ACVR2A: variants seen among roughly 807,000 people sequenced by gnomAD.
The protein encoded by ACVR2A is activin receptor type-2A.
ACVR2A carries 7 observed loss-of-function variants against 61.4 expected under a neutral mutation model. The observed-to-expected ratio is 0.11, with a 90% CI of 0.06 to 0.21. The LOEUF is 0.21. Ranked by LOEUF, ACVR2A falls within the 10% of genes least tolerant of loss-of-function variation. The pLI, the probability that ACVR2A is intolerant of heterozygous loss-of-function variation, is 1.00. For missense variants in ACVR2A, 322 were observed against 621.7 expected (o/e 0.52, Z 5.13); for synonymous variants, 193 against 208.3 (o/e 0.93, Z 0.63).
At chr2:147,919,167 C>T (rs1241868722) in intron 7 of ACVR2A, among the ~76,000 whole-genome samples, 1 of 152,044 alleles carries the variant, frequency 6.6e-6, no homozygotes, top group Non-Finnish European at 1.5e-5. Context: ...GTCTTGTGTT[C>T]CATTTAAAGA....
At chr2:147,918,359 A>C in intron 6 of ACVR2A, 88 bp from the exon 7 acceptor site, 1 of 1,160,950 alleles carries the variant, frequency 8.6e-7, no homozygotes, top group Non-Finnish European at 1.2e-6. Flanking sequence ...AGGGAAACTC[A>C]CAACCTCTTA....
In ACVR2A at chr2:147,928,359, T is replaced by C. The variant is rs920434272; in HGVS notation, c.*1085T>C. On this transcript the variant is annotated 3_prime_UTR_variant, in exon 11 of 11. Transcript: ENST00000241416. ...TGTGGGACATTCTTTATCACTGTTTTAGGATCACCTCAGGAAGTGTCGTTA... is the reference window on the plus strand; with the variant it reads ...TGTGGGACATTCTTTATCACTGTTTCAGGATCACCTCAGGAAGTGTCGTTA... The C allele has an allele frequency of 3.3e-5, 5 of 152,214 alleles. No individual in the cohort carries two copies. The highest frequency in any genetic ancestry group is 1.2e-4 in the African/African-American group (5 of 41,384). The allele number at this position is 152,214 out of a possible 1,614,324, so 9.4% of individuals were successfully genotyped here. A position where few individuals can be genotyped will look rare whatever the true frequency, so the allele number is the denominator to read the frequency against.
At chr2:147,921,488 A>G (rs1252658377) in intron 8 of ACVR2A, among the ~76,000 whole-genome samples, 1 of 152,180 alleles carries the variant, frequency 6.6e-6, no homozygotes, top group African/African-American at 2.4e-5. Flanking sequence ...TTTCCCCAGC[A>G]TATCCTATTG....
Position 147,918,452 on chromosome 2 carries a change from A to G in ACVR2A, c.822A>G (p.Ser274=). The G allele has an allele frequency of 6.2e-7, 1 of 1,602,358 alleles. No homozygotes were observed. The highest frequency in any genetic ancestry group is 8.5e-7 in the Non-Finnish European group (1 of 1,175,750). ...TTTTTTCCCTCTTTTTTTAGGGTTC[A>G]CTATCAGACTTTCTTAAGGCTAATG... is the stretch of plus-strand genomic sequence containing the variant. ...WLITAFHEKG[S]LSDFLKANVV... The change falls in exon 7 of 11, where the codon TCA becomes TCG. Residue 274 remains serine (S), a synonymous_variant. Transcript: ENST00000241416.
Position 147,899,727 on chromosome 2 carries a change from C to T in ACVR2A, c.374-17C>T. ...TGTAGACCAAATCTGAGTTATTTTT[C>T]CCCCCCTTTTCCACAGCCACTTCAA... On this transcript the variant is annotated splice_polypyrimidine_tract_variant and intron_variant, in intron 3 of 10. Coordinates refer to ENST00000241416, the MANE Select transcript of ACVR2A (RefSeq NM_001616.5). 6.2e-7 allele frequency: 1 copy of T among 1,607,396 alleles called. No individual in the cohort carries two copies. Among genetic ancestry groups the T allele is most frequent in the South Asian group, 1.1e-5 (1 of 89,814 alleles).
rs956894965 is a variant in ACVR2A, at chr2:147,927,966, GAA to G, written c.*698_*699del. 6.6e-6 allele frequency: 1 copy of G among 152,110 alleles called. No individual in the cohort carries two copies. Among genetic ancestry groups the G allele is most frequent in the Non-Finnish European group, 1.5e-5 (1 of 67,838 alleles). The allele number at this position is 152,110 out of a possible 1,614,324, so 9.4% of individuals were successfully genotyped here. A position where few individuals can be genotyped will look rare whatever the true frequency, so the allele number is the denominator to read the frequency against. On this transcript the variant is annotated 3_prime_UTR_variant, in exon 11 of 11. Transcript: ENST00000241416. Reference sequence around the variant, plus strand: ...TAACAAATTCACTGTGTTATTTAAGGAAAAAAAGGTAAGCTATGCTTAGTGCC... The same window carrying G: ...TAACAAATTCACTGTGTTATTTAAGGAAAAAGGTAAGCTATGCTTAGTGCC...
intron 1 of ACVR2A, among the ~76,000 whole-genome samples, chr2:147,854,421 C>A (rs1189795477): frequency 2.0e-5 from 3 of 152,108 alleles, no homozygotes; most frequent in African/African-American, 7.2e-5. Context: ...ATTCTCAAGT[C>A]TGTTTTTTAG....
At chr2:147,897,209 T>C (rs1267318157) in intron 2 of ACVR2A, 1 of 152,004 alleles carries the variant, frequency 6.6e-6, no homozygotes, top group Non-Finnish European at 1.5e-5. Flanking sequence ...GGTTTCTCCA[T>C]GTTGGTCAAG....
chr2:147,910,829 T>C (rs1452132814), intron 4 of ACVR2A, among the ~76,000 whole-genome samples: 2 of 152,188 alleles, frequency 1.3e-5, no homozygotes, highest in African/African-American at 4.8e-5. Context: ...CTGCTTCACC[T>C]TGATGTGCTG....
intron 1 of ACVR2A, among the ~76,000 whole-genome samples, chr2:147,881,578 T>A (rs1450473351): frequency 6.6e-6 from 1 of 150,510 alleles, no homozygotes; most frequent in Non-Finnish European, 1.5e-5. Flanking sequence ...GCATCTTTTT[T>A]TTTCTCCTCT....
chr2:147,881,927 G>A (rs1686312767), intron 1 of ACVR2A, among the ~76,000 whole-genome samples: 2 of 152,054 alleles, frequency 1.3e-5, no homozygotes, highest in Admixed American at 1.3e-4. Context: ...TGTACCGTTT[G>A]TGTTGAACTG....
intron 9 of ACVR2A, 87 bp from the exon 10 acceptor site, chr2:147,925,944 C>CA (rs1342055095): frequency 7.4e-7 from 1 of 1,352,310 alleles, no homozygotes; most frequent in Non-Finnish European, 1.0e-6. Context: ...GAATAGGTGA[C>CA]AGAGTATATT....
intron 1 of ACVR2A, among the ~76,000 whole-genome samples, chr2:147,859,896 A>C (rs1318053043): frequency 6.6e-6 from 1 of 152,172 alleles, no homozygotes; most frequent in Non-Finnish European, 1.5e-5. Context: ...CTTATTTTAG[A>C]ATATGTTCTT....
chr2:147,889,955 C>A (rs1329060610), intron 1 of ACVR2A, among the ~76,000 whole-genome samples: 1 of 150,664 alleles, frequency 6.6e-6, no homozygotes, highest in African/African-American at 2.4e-5. Context: ...TTACTGTAAA[C>A]TGAGTGTGAA....
chr2:147,852,106 G>T (rs1159149429), intron 1 of ACVR2A, among the ~76,000 whole-genome samples: 1 of 151,994 alleles, frequency 6.6e-6, no homozygotes, highest in African/African-American at 2.4e-5. Flanking sequence ...ATTAAAATTA[G>T]AATTTGAATT....
At chr2:147,847,083 A>G (rs1331913894) in intron 1 of ACVR2A, among the ~76,000 whole-genome samples, 1 of 152,120 alleles carries the variant, frequency 6.6e-6, no homozygotes, top group South Asian at 2.1e-4. Flanking sequence ...TCATTGGGCC[A>G]GGATTATTTT....
In ACVR2A at chr2:147,926,262, TG is replaced by T. The variant is rs553717799; in HGVS notation, c.1347+103del. On this transcript the variant is annotated intron_variant, in intron 10 of 10. Transcript: ENST00000241416. ...TTCTCTTTCTTCTGCAAGTATTTTCTGGAAGGTGATCTTCACACAGGATATT... is the reference window on the plus strand; with the variant it reads ...TTCTCTTTCTTCTGCAAGTATTTTCTGAAGGTGATCTTCACACAGGATATT... 174 of 1,422,366 alleles carry T rather than the reference TG, an allele frequency of 1.2e-4. No homozygotes were observed. In the African/African-American group the frequency reaches 2.4e-3, roughly 19 times the overall value. 88.1% of individuals were successfully genotyped at this position (1,422,366 alleles called of 1,614,324 possible).
chr2:147,879,038 TA>T (rs1686228557), intron 1 of ACVR2A, among the ~76,000 whole-genome samples: 1 of 152,226 alleles, frequency 6.6e-6, no homozygotes, highest in African/African-American at 2.4e-5. Flanking sequence ...GACCATATGG[TA>T]AATGTATGTT....
chr2:147,877,976 C>G (rs1277258469), intron 1 of ACVR2A, among the ~76,000 whole-genome samples: 2 of 152,114 alleles, frequency 1.3e-5, no homozygotes, highest in African/African-American at 4.8e-5. Flanking sequence ...CAATTACCGA[C>G]TATACAGAGA....
Sources: allele counts gnomAD v4.1 joint callset (sites outside exome capture counted in the v4.1 genomes callset), GRCh38; gene constraint gnomAD v4.1.1; transcripts MANE v1.5; gene names NCBI Gene and HGNC (gene_info 2026-07-23, HGNC 2026-07-21).